HMGXB4: variants seen among roughly 807,000 people sequenced by gnomAD.
HMGXB4 encodes the protein HMG domain-containing protein 4.
Under a neutral mutation model 63.9 loss-of-function variants are expected in HMGXB4, and 27 were observed. The ratio of observed to expected loss-of-function variants is 0.42; its 90% confidence interval spans 0.31 to 0.58. The LOEUF (loss-of-function observed/expected upper bound fraction) is 0.58. HMGXB4 is among the 20% of genes least tolerant of loss of function. HMGXB4 has a pLI of 0.13. For missense variants in HMGXB4, 624 were observed against 700.7 expected, an observed-to-expected ratio of 0.89 and a Z score of 1.24; for synonymous variants, 264 against 265.3, an observed-to-expected ratio of 0.99 and a Z score of 0.05.
intron 5 of HMGXB4, among the ~76,000 whole-genome samples, chr22:35,279,709 A>C (rs1385951123): frequency 1.1e-5 from 1 of 94,618 alleles, no homozygotes; most frequent in Non-Finnish European, 1.9e-5. Context: ...TGGCATGTGG[A>C]TATCCAATTG....
intron 1 of HMGXB4, 185 bp from the exon 2 acceptor site, chr22:35,262,138 C>T (rs1296356802): frequency 4.2e-6 from 2 of 472,848 alleles, no homozygotes; most frequent in Non-Finnish European, 7.6e-6. Flanking sequence ...TCTAATTAAG[C>T]CTAGTATACT....
At position 35,288,308 on chromosome 22, in the gene HMGXB4, A is replaced by C; in HGVS notation, c.1539A>C (p.Pro513=). ...PPTTMLLPAS[P]AKAPETEPID... is the part of the protein sequence containing the mutation. The stretch of plus-strand genomic sequence containing the variant: ...CCACCATGCTGTTACCAGCCTCACC[A>C]GCCAAAGCCCCTGAGACAGAGCCCA... The change falls in exon 9 of 11, where the codon CCA becomes CCC. Residue 513 remains proline (P), a synonymous_variant. Transcript: ENST00000216106. 2 of 1,612,596 alleles carry C rather than the reference A, an allele frequency of 1.2e-6. No individual in the cohort carries two copies. Among genetic ancestry groups the C allele is most frequent in the Middle Eastern group, 1.7e-4 (1 of 6,056 alleles).
At chr22:35,255,326 A>C (rs542115485), upstream of HMGXB4, among the ~76,000 whole-genome samples, 16 of 151,948 alleles carry the variant, frequency 1.1e-4, no homozygotes, top group Admixed American at 3.9e-4. Flanking sequence ...GGTAAAAAAA[A>C]AACAACAAAA....
the HMGXB4 span, among the ~76,000 whole-genome samples, chr22:35,242,520 A>G: frequency 1.3e-5 from 2 of 150,818 alleles, no homozygotes; most frequent in Admixed American, 1.3e-4. Context: ...ATTACTGATA[A>G]TAGTAATCTG....
intron 9 of HMGXB4, among the ~76,000 whole-genome samples, chr22:35,290,648 A>AAG (rs1924880771): frequency 1.3e-5 from 2 of 150,826 alleles, no homozygotes; most frequent in Non-Finnish European, 3.0e-5. Flanking sequence ...AAAAAAAAAA[A>AAG]AAAAAGAAAC....
intron 1 of HMGXB4, among the ~76,000 whole-genome samples, chr22:35,261,309 G>A (rs563079568): frequency 6.6e-6 from 1 of 151,874 alleles, no homozygotes; most frequent in Non-Finnish European, 1.5e-5. Context: ...GGTGGCAGGC[G>A]CCTGTAATCT....
At position 35,293,693 on chromosome 22, in the gene HMGXB4, G is replaced by A; in HGVS notation, c.*42G>A. 1.3e-6 allele frequency: 2 copies of A among 1,503,890 alleles called. No homozygotes were observed. Among genetic ancestry groups the A allele is most frequent in the Non-Finnish European group, 9.3e-7 (1 of 1,079,808 alleles). The allele number at this position is 1,503,890 out of a possible 1,614,324, so 93.2% of individuals were successfully genotyped here. ...GACAGAAACCTTATCCTACACCATT[G>A]CTGGTTTGTGTATATATGACTGTTG... On this transcript the variant is annotated 3_prime_UTR_variant, in exon 11 of 11. Transcript: ENST00000216106.
At chr22:35,263,632 AT>A (rs895012920) in intron 3 of HMGXB4, among the ~76,000 whole-genome samples, 163 bp from the exon 4 acceptor site, 10 of 152,214 alleles carry the variant, frequency 6.6e-5, no homozygotes, top group African/African-American at 2.2e-4. Flanking sequence ...AGAAGGAAGT[AT>A]TTTTTAATAA....
At position 35,262,920 on chromosome 22, in the gene HMGXB4, T is replaced by C. The variant is rs1245486909; in HGVS notation, c.32-158T>C. 1.6e-5 allele frequency: 11 copies of C among 686,430 alleles called. No homozygotes were observed. In the East Asian group the frequency reaches 1.9e-4, roughly 12 times the overall value. 42.5% of individuals were successfully genotyped at this position (686,430 alleles called of 1,614,324 possible). On this transcript the variant is annotated intron_variant, in intron 2 of 10. Transcript: ENST00000216106. ...TTTGCAGCTAGGTCATCAAGAAATA[T>C]TCTGTTCCCCTGGGTCTAGCCCTGT...
At chr22:35,266,279 C>CT (rs1923241767) in intron 5 of HMGXB4, among the ~76,000 whole-genome samples, 1 of 152,214 alleles carries the variant, frequency 6.6e-6, no homozygotes, top group Non-Finnish European at 1.5e-5. Context: ...TAAAAACAGA[C>CT]TATCAAAATT....
upstream of HMGXB4, among the ~76,000 whole-genome samples, chr22:35,255,583 G>A (rs1922360293): frequency 6.6e-6 from 1 of 152,224 alleles, no homozygotes; most frequent in Non-Finnish European, 1.5e-5. Flanking sequence ...GCTTGGAGCT[G>A]CTGGAGTCAT....
At chr22:35,274,459 C>T (rs768300176) in intron 5 of HMGXB4, among the ~76,000 whole-genome samples, 39 of 152,190 alleles carry the variant, frequency 2.6e-4, no homozygotes, top group South Asian at 2.1e-4. Context: ...AAGCACAATC[C>T]TAACAGCTGT....
At chr22:35,288,044 C>G (rs1924701943) in intron 8 of HMGXB4, among the ~76,000 whole-genome samples, 194 bp from the exon 9 acceptor site, 1 of 152,148 alleles carries the variant, frequency 6.6e-6, no homozygotes, top group Non-Finnish European at 1.5e-5. Flanking sequence ...TTCTATAGCC[C>G]TTTAAGAATG....
At chr22:35,275,110 C>CTTTTT (rs59290559) in intron 5 of HMGXB4, among the ~76,000 whole-genome samples, 6 of 103,538 alleles carry the variant, frequency 5.8e-5, no homozygotes, top group Non-Finnish European at 9.5e-5. Flanking sequence ...CACCAAATTT[C>CTTTTT]TTTTTTTTTT....
At chr22:35,251,939 G>A in the HMGXB4 span, among the ~76,000 whole-genome samples, 9 of 152,288 alleles carry the variant, frequency 5.9e-5, no homozygotes, top group South Asian at 2.1e-4. Flanking sequence ...GGTCAGGTGC[G>A]GTGACTGGCT....
chr22:35,244,665 C>T, the HMGXB4 span, among the ~76,000 whole-genome samples: 2 of 152,332 alleles, frequency 1.3e-5, no homozygotes, highest in African/African-American at 4.8e-5. Flanking sequence ...CCACAGGTTA[C>T]TTCCTCCTTT....
At chr22:35,260,641 A>G (rs1027565122) in intron 1 of HMGXB4, among the ~76,000 whole-genome samples, 8 of 152,372 alleles carry the variant, frequency 5.3e-5, no homozygotes, top group East Asian at 1.9e-4. Context: ...AAAACAATCC[A>G]GTTAATATAG....
Position 35,276,777 on chromosome 22 carries a change from C to T in HMGXB4, c.1216-7185C>T, listed in dbSNP as rs541208391. 2.0e-4 allele frequency among the ~76,000 whole-genome samples: 30 copies of T among 152,328 alleles called. 1 individual carries two copies. The East Asian group carries it at 5.4e-3, about 27-fold the overall frequency. ...CTTTACCATCTCTAAACAGGACTGG[C>T]TTCACCAGAAGAATACTAAAATAGT... On this transcript the variant is annotated intron_variant, in intron 5 of 10. Transcript: ENST00000216106.
At chr22:35,259,881 T>C (rs1253747468) in intron 1 of HMGXB4, among the ~76,000 whole-genome samples, 1 of 152,256 alleles carries the variant, frequency 6.6e-6, no homozygotes, top group Non-Finnish European at 1.5e-5. Context: ...GTAGACCTAA[T>C]ATATGTAATG....
Sources: gnomAD v4.1 joint callset for allele counts (sites outside exome capture counted in the v4.1 genomes callset) on GRCh38, gnomAD v4.1.1 for gene constraint, MANE v1.5 for transcripts, NCBI Gene and HGNC (gene_info 2026-07-23, HGNC 2026-07-21) for gene names.